HMGXB4: variants seen among roughly 807,000 people sequenced by gnomAD.
HMGXB4 encodes HMG-box containing 4.
HMGXB4 carries 27 observed loss-of-function variants against 63.9 expected under a neutral mutation model. That is an observed-to-expected ratio of 0.42 (90% confidence interval 0.31 to 0.58). HMGXB4 has a LOEUF of 0.58. Among genes scored for constraint, HMGXB4 ranks in the 20% least tolerant of loss-of-function variants. HMGXB4 has a pLI of 0.13. For synonymous variants in HMGXB4, 264 were observed against 265.3 expected, an observed-to-expected ratio of 0.99 and a Z score of 0.05; for missense variants, 624 against 700.7, an observed-to-expected ratio of 0.89 and a Z score of 1.24.
At chr22:35,262,841 C>T (rs1922948330) in intron 2 of HMGXB4, 2 of 559,306 alleles carry the variant, frequency 3.6e-6, no homozygotes, top group South Asian at 4.5e-5. Flanking sequence ...TGAGGTTGCA[C>T]ATGGGGCCTT....
rs1423588278 is a variant in HMGXB4 at position 35,287,417 on chromosome 22, A to G, written c.1433A>G (p.Lys478Arg). Residue 478 changes from lysine (K) to arginine (R), a missense_variant, in exon 8 of 11, where the codon AAA (lysine) becomes AGA (arginine). Transcript: ENST00000216106. The part of the protein sequence containing the change: ...NKAEATTVKR[K>R]ASSSEGSMKV... ...GCAGAAGCCACAACTGTGAAAAGGA[A>G]AGCATCCAGCTCAGAAGGTTCCATG... is the stretch of plus-strand genomic sequence containing the variant. 2.0e-5 allele frequency: 32 copies of G among 1,613,468 alleles called. No homozygotes were observed. Among genetic ancestry groups the G allele is most frequent in the Non-Finnish European group, 2.7e-5 (32 of 1,179,646 alleles).
Position 35,295,581 on chromosome 22 carries a change from A to G in HMGXB4, c.*1930A>G, listed in dbSNP as rs1356562106. The G allele has an allele frequency of 6.6e-6, 1 of 152,516 alleles. No homozygotes were observed. Among genetic ancestry groups the G allele is most frequent in the Non-Finnish European group, 1.5e-5 (1 of 67,996 alleles). The allele number at this position is 152,516 out of a possible 1,614,324, so 9.4% of individuals were successfully genotyped here. On this transcript the variant is annotated 3_prime_UTR_variant, in exon 11 of 11. Transcript: ENST00000216106. ...TTCCTTTGAAACCCAGCCCTATTGT[A>G]TTTGTATTTAAAATTTGTACACATT...
the HMGXB4 span, among the ~76,000 whole-genome samples, chr22:35,244,697 C>A: frequency 6.6e-6 from 1 of 152,148 alleles, no homozygotes; most frequent in African/African-American, 2.4e-5. Flanking sequence ...TCTGCCTTTG[C>A]CCCTTTTAAA....
At chr22:35,267,375 A>G (rs772476919) in intron 5 of HMGXB4, among the ~76,000 whole-genome samples, 8 of 152,186 alleles carry the variant, frequency 5.3e-5, no homozygotes, top group Non-Finnish European at 1.0e-4. Flanking sequence ...AAGAATTTCC[A>G]GTCTAGTGAC....
At position 35,263,868 on chromosome 22, in the gene HMGXB4, T is replaced by C; in HGVS notation, c.253T>C (p.Tyr85His). The C allele has an allele frequency of 6.2e-7, 1 of 1,613,136 alleles. No individual in the cohort carries two copies. Among genetic ancestry groups the C allele is most frequent in the East Asian group, 2.2e-5 (1 of 44,862 alleles). Reference protein sequence around the residue: ...KRKHSSDDYYYGDISSLESSQ... With the variant: ...KRKHSSDDYYHGDISSLESSQ... ...GAAGCACTCCTCTGATGATTACTAC[T>C]ATGGAGGTGAGGATGGGAATGGGCA... The change falls in exon 4 of 11, where the codon TAT becomes CAT. Residue 85 changes from tyrosine (Y) to histidine (H), a missense_variant. By Grantham distance (83) the Tyr-to-His change is moderately conservative. Around this residue, in one of 2 missense-constraint regions of HMGXB4, gnomAD observed 472 missense variants for 470.6 expected, o/e 1.00. Transcript: ENST00000216106.
intron 5 of HMGXB4, among the ~76,000 whole-genome samples, chr22:35,279,163 T>TTTAGGCGG (rs1924092145): frequency 1.2e-5 from 1 of 82,528 alleles, no homozygotes; most frequent in African/African-American, 3.8e-5. Context: ...TTTTTTTTTT[T>TTTAGGCGG]GAGACGGAGT....
rs979637894 is a variant in HMGXB4 at position 35,263,821 on chromosome 22, C to T, written c.206C>T (p.Thr69Met). 3.1e-6 allele frequency: 5 copies of T among 1,612,930 alleles called. No individual in the cohort carries two copies. Among genetic ancestry groups the T allele is most frequent in the African/African-American group, 1.3e-5 (1 of 74,968 alleles). The change falls in exon 4 of 11, where the codon ACG becomes ATG. Residue 69 changes from threonine (T) to methionine (M), a missense_variant. This residue lies in a region of HMGXB4 where 472 missense variants were observed against 470.6 expected (regional missense o/e 1.00). Transcript: ENST00000216106. Reference protein sequence around the residue: ...LKDSELYFLGTDTHKKKRKHS... With the variant: ...LKDSELYFLGMDTHKKKRKHS... The stretch of plus-strand genomic sequence containing the variant: ...GATAGTGAACTTTACTTCTTGGGGA[C>T]GGACACACACAAGAAGAAGAGGAAG...
the HMGXB4 span, among the ~76,000 whole-genome samples, chr22:35,245,121 C>T: frequency 6.6e-6 from 1 of 152,126 alleles, no homozygotes; most frequent in African/African-American, 2.4e-5. Context: ...ATCCACCCAC[C>T]TTGGCCTCCC....
At chr22:35,272,714 T>A (rs1601632501) in intron 5 of HMGXB4, among the ~76,000 whole-genome samples, 1 of 152,036 alleles carries the variant, frequency 6.6e-6, no homozygotes, top group East Asian at 1.9e-4. Flanking sequence ...GGTGGGTGGA[T>A]CATGAGGTCA....
upstream of HMGXB4, among the ~76,000 whole-genome samples, chr22:35,254,226 C>T (rs1922301860): frequency 6.6e-6 from 1 of 152,200 alleles, no homozygotes; most frequent in Non-Finnish European, 1.5e-5. Context: ...CCCCTCTTCA[C>T]ATATGCTAGA....
chr22:35,256,718 CT>C (rs1922426662), upstream of HMGXB4, among the ~76,000 whole-genome samples: 1 of 152,142 alleles, frequency 6.6e-6, no homozygotes, highest in African/African-American at 2.4e-5. Flanking sequence ...TCAGGCTGGT[CT>C]CGAACTCCTG....
chr22:35,274,545 A>C (rs1321941521), intron 5 of HMGXB4, among the ~76,000 whole-genome samples: 1 of 152,200 alleles, frequency 6.6e-6, no homozygotes, highest in Non-Finnish European at 1.5e-5. Flanking sequence ...TTTTCACAAG[A>C]ACCCAATGAG....
chr22:35,243,946 G>A, the HMGXB4 span, among the ~76,000 whole-genome samples: 1 of 152,042 alleles, frequency 6.6e-6, no homozygotes, highest in African/African-American at 2.4e-5. Flanking sequence ...TGTTTCTCTT[G>A]TATAAGATAA....
intron 5 of HMGXB4, among the ~76,000 whole-genome samples, chr22:35,272,328 G>T (rs1473811783): frequency 6.6e-6 from 1 of 151,218 alleles, no homozygotes; most frequent in East Asian, 1.9e-4. Flanking sequence ...AGTGAACGCA[G>T]CAGCGGTGGG....
rs558372356 is a variant in HMGXB4, at chr22:35,283,722, G to A, written c.1216-240G>A. On this transcript the variant is annotated intron_variant, in intron 5 of 10. Transcript: ENST00000216106. ...GGAGAATCGCTTGAACCCAGGAGGC[G>A]GAAGTTATAGTGAGCCAAGATTGCG... Among the ~76,000 whole-genome samples the A allele has an allele frequency of 3.7e-3, 564 of 152,214 alleles. 4 individuals carry two copies. Among genetic ancestry groups the A allele is most frequent in the African/African-American group, 0.013 (535 of 41,532 alleles).
At chr22:35,254,942 C>T (rs1341764557), upstream of HMGXB4, among the ~76,000 whole-genome samples, 1 of 152,118 alleles carries the variant, frequency 6.6e-6, no homozygotes, top group Non-Finnish European at 1.5e-5. Flanking sequence ...CTTTTAGGTC[C>T]AAGCTAGTGG....
At chr22:35,255,549 A>G (rs1922358929), upstream of HMGXB4, among the ~76,000 whole-genome samples, 2 of 152,220 alleles carry the variant, frequency 1.3e-5, no homozygotes. Context: ...CCACAGGGAC[A>G]CTGCTAGCAG....
chr22:35,280,516 G>T (rs1048062018), intron 5 of HMGXB4, among the ~76,000 whole-genome samples: 7 of 151,990 alleles, frequency 4.6e-5, no homozygotes, highest in Admixed American at 1.3e-4. Flanking sequence ...TTGATTGTGG[G>T]CCATCATCAT....
At chr22:35,276,893 A>G (rs1161003248) in intron 5 of HMGXB4, among the ~76,000 whole-genome samples, 2 of 152,218 alleles carry the variant, frequency 1.3e-5, no homozygotes, top group Non-Finnish European at 2.9e-5. Context: ...ATTTCACCCT[A>G]TCCTCCTTCA....
Sources: allele counts gnomAD v4.1 joint callset (sites outside exome capture counted in the v4.1 genomes callset), GRCh38; gene constraint gnomAD v4.1.1; regional missense constraint gnomAD v4.1.1; transcripts MANE v1.5; gene names NCBI Gene and HGNC (gene_info 2026-07-23, HGNC 2026-07-21).